Variants in PPP2R2A observed in about 807,000 individuals in gnomAD.
The protein encoded by PPP2R2A is protein phosphatase 2 regulatory subunit Balpha.
Under a neutral mutation model 53.2 loss-of-function variants are expected in PPP2R2A, and 9 were observed. The ratio of observed to expected loss-of-function variants is 0.17; its 90% CI spans 0.10 to 0.30. The LOEUF (loss-of-function observed/expected upper bound fraction) is 0.30, where lower values mean the gene tolerates loss of function less well. Ranked by LOEUF, PPP2R2A falls within the 10% of genes least tolerant of loss-of-function variation. The pLI is 1.00. For missense variants in PPP2R2A, 235 were observed against 534.6 expected, an observed-to-expected ratio of 0.44 and a Z score of 5.53; for synonymous variants, 169 against 174.2, an observed-to-expected ratio of 0.97 and a Z score of 0.23.
chr8:26,331,382 A>C (rs1232450262), intron 2 of PPP2R2A, among the ~76,000 whole-genome samples: 1 of 152,186 alleles, frequency 6.6e-6, no homozygotes, highest in Non-Finnish European at 1.5e-5. Flanking sequence ...AAACAAGACC[A>C]GTTATCAGAT....
Position 26,360,539 on chromosome 8 carries a change from A to C in PPP2R2A, c.459+258A>C, listed in dbSNP as rs1182440727. On this transcript the variant is annotated intron_variant, in intron 5 of 9. Transcript: ENST00000380737. The surrounding 1 kb of genome is among the most constrained non-coding windows in gnomAD (Gnocchi z 4.5). ...CATCAGACTTCATCTCTGGTTTGTC[A>C]TGTTAGCTATCACAAGGTCAAGTTT... 1.3e-5 allele frequency: 4 copies of C among 312,526 alleles called. No homozygotes were observed. Among genetic ancestry groups the C allele is most frequent in the Non-Finnish European group, 2.3e-5 (4 of 173,176 alleles). The allele number at this position is 312,526 out of a possible 1,614,324, so 19.4% of individuals were successfully genotyped here.
intron 2 of PPP2R2A, among the ~76,000 whole-genome samples, chr8:26,302,499 C>A (rs7005099): frequency 2.0e-5 from 3 of 152,094 alleles, no homozygotes. Flanking sequence ...AGTAAAAGTG[C>A]GTGCTAGAGC....
intron 2 of PPP2R2A, among the ~76,000 whole-genome samples, chr8:26,324,019 C>T (rs918938526): frequency 6.6e-6 from 1 of 152,212 alleles, no homozygotes; most frequent in South Asian, 2.1e-4. Context: ...GCCCTTTTAC[C>T]GTGGCCTACA....
At chr8:26,314,003 T>C (rs1458834828) in intron 2 of PPP2R2A, among the ~76,000 whole-genome samples, 1 of 152,244 alleles carries the variant, frequency 6.6e-6, no homozygotes, top group Admixed American at 6.5e-5. Flanking sequence ...TTCTGATTTT[T>C]TTCTATTATT....
chr8:26,369,709 A>G (rs1370336842), intron 9 of PPP2R2A, among the ~76,000 whole-genome samples: 1 of 152,188 alleles, frequency 6.6e-6, no homozygotes, highest in African/African-American at 2.4e-5. Context: ...TGTAAATCAT[A>G]AGATAAAGCA....
intron 9 of PPP2R2A, among the ~76,000 whole-genome samples, chr8:26,369,124 TACACACAC>T (rs375380252): frequency 2.7e-5 from 4 of 149,412 alleles, no homozygotes; most frequent in Non-Finnish European, 4.5e-5. Flanking sequence ...AAAAAAATTA[TACACACAC>T]ACACACACAC....
At chr8:26,309,239 G>A (rs1025886087) in intron 2 of PPP2R2A, among the ~76,000 whole-genome samples, 1 of 152,172 alleles carries the variant, frequency 6.6e-6, no homozygotes, top group Non-Finnish European at 1.5e-5. Context: ...AATGAATATT[G>A]TGTTAGCAGG....
At chr8:26,322,060 G>A (rs1164203514) in intron 2 of PPP2R2A, among the ~76,000 whole-genome samples, 1 of 152,146 alleles carries the variant, frequency 6.6e-6, no homozygotes, top group Admixed American at 6.5e-5. Context: ...TGACCAGTAT[G>A]AGCAGTAACT....
chr8:26,322,733 A>G (rs1010281808), intron 2 of PPP2R2A, among the ~76,000 whole-genome samples: 2 of 152,194 alleles, frequency 1.3e-5, no homozygotes, highest in African/African-American at 4.8e-5. Context: ...GAAAATCTTC[A>G]TCTTTGACAG....
chr8:26,318,554 C>T (rs1364639430), intron 2 of PPP2R2A, among the ~76,000 whole-genome samples: 1 of 152,186 alleles, frequency 6.6e-6, no homozygotes, highest in Non-Finnish European at 1.5e-5. Context: ...TCATATGATG[C>T]TCTTCTGCCT....
intron 2 of PPP2R2A, among the ~76,000 whole-genome samples, chr8:26,316,826 C>T (rs1354266342): frequency 6.6e-6 from 1 of 152,196 alleles, no homozygotes; most frequent in Non-Finnish European, 1.5e-5. Context: ...ACCCTTATTA[C>T]CGGATCACCT....
At chr8:26,361,981 AT>A (rs1433633162) in intron 6 of PPP2R2A, among the ~76,000 whole-genome samples, 3 of 148,968 alleles carry the variant, frequency 2.0e-5, no homozygotes, top group Non-Finnish European at 4.5e-5. Context: ...ATATATATAG[AT>A]TTATATATAT....
intron 2 of PPP2R2A, among the ~76,000 whole-genome samples, chr8:26,337,192 A>G (rs1803708096): frequency 6.6e-6 from 1 of 152,148 alleles, no homozygotes; most frequent in Non-Finnish European, 1.5e-5. Context: ...GAGATCAAAG[A>G]TAGGTATTTT....
In PPP2R2A at chr8:26,291,684, G is replaced by T; in HGVS notation, c.-136G>T. On this transcript the variant is annotated 5_prime_UTR_variant, in exon 1 of 10. Coordinates refer to ENST00000380737, the MANE Select transcript of PPP2R2A (RefSeq NM_002717.4). ...CCCGCCCCTCCTTCCTTTTCCCCCCGGCCCCCGTCCCCTCCCCCCGCAGGT... is the reference window on the plus strand; with the variant it reads ...CCCGCCCCTCCTTCCTTTTCCCCCCTGCCCCCGTCCCCTCCCCCCGCAGGT... 1.0e-5 allele frequency: 1 copy of T among 98,070 alleles called. No homozygotes were observed. The allele number at this position is 98,070 out of a possible 1,614,324, so 6.1% of individuals were successfully genotyped here.
intron 3 of PPP2R2A, among the ~76,000 whole-genome samples, chr8:26,340,776 A>G (rs1803904465): frequency 6.6e-6 from 1 of 152,214 alleles, no homozygotes; most frequent in East Asian, 1.9e-4. Flanking sequence ...ATGTAGTCAG[A>G]ATATTAGTAT....
Position 26,300,236 on chromosome 8 carries a change from G to C in PPP2R2A, c.82+6496G>C, listed in dbSNP as rs192600488. On this transcript the variant is annotated intron_variant, in intron 2 of 9. Coordinates refer to ENST00000380737, the MANE Select transcript of PPP2R2A (RefSeq NM_002717.4). Reference sequence around the variant, plus strand: ...GTGTTTCTTAGTACTCTGTAATAGTGAACAAAATATTAAAATCAAGTTCTT... The same window carrying C: ...GTGTTTCTTAGTACTCTGTAATAGTCAACAAAATATTAAAATCAAGTTCTT... Among the ~76,000 whole-genome samples, 273 of 152,232 alleles carry C rather than the reference G, an allele frequency of 1.8e-3. 1 individual carries two copies. The highest frequency in any genetic ancestry group is 6.2e-3 in the African/African-American group (257 of 41,542).
intron 1 of PPP2R2A, chr8:26,293,372 T>A: frequency 1.7e-6 from 2 of 1,169,122 alleles, no homozygotes; most frequent in Non-Finnish European, 2.4e-6. Context: ...TTCTGGTAGG[T>A]CTTGCCTGAA....
At chr8:26,315,617 G>C (rs1251665530) in intron 2 of PPP2R2A, among the ~76,000 whole-genome samples, 2 of 152,110 alleles carry the variant, frequency 1.3e-5, no homozygotes, top group Non-Finnish European at 2.9e-5. Flanking sequence ...TAGCTGTTTT[G>C]AGTCTCATGC....
chr8:26,340,973 A>G (rs1374581709), intron 3 of PPP2R2A, among the ~76,000 whole-genome samples: 1 of 152,066 alleles, frequency 6.6e-6, no homozygotes, highest in East Asian at 1.9e-4. Context: ...TTTTAACTAC[A>G]TTTTCTTGTA....
Sources: allele counts gnomAD v4.1 joint callset (sites outside exome capture counted in the v4.1 genomes callset), GRCh38; gene constraint gnomAD v4.1.1; non-coding constraint Gnocchi (gnomAD v3.1); transcripts MANE v1.5; gene names NCBI Gene and HGNC (gene_info 2026-07-23, HGNC 2026-07-21).